The following MRPL22 variants were observed in gnomAD, a reference collection of about 807,000 sequenced individuals.
MRPL22 encodes mitochondrial ribosomal protein L22.
MRPL22 carries 27 observed loss-of-function variants against 32.4 expected under a neutral mutation model. That is an observed-to-expected ratio of 0.83 (90% confidence interval 0.61 to 1.15). MRPL22 has a LOEUF of 1.15. Ranked by LOEUF, MRPL22 falls within the 50% of genes most tolerant of loss-of-function variation. The probability of loss-of-function intolerance (pLI) is 0.00; values close to 1 mark genes in which losing one functional copy is unlikely to be tolerated. For synonymous variants in MRPL22, 86 were observed against 87.3 expected (o/e 0.99, Z 0.08); for missense variants, 239 against 260.2 (o/e 0.92, Z 0.56).
chr5:154,960,773 A>G (rs1022706069), intron 6 of MRPL22, among the ~76,000 whole-genome samples: 2 of 152,198 alleles, frequency 1.3e-5, no homozygotes, highest in Admixed American at 1.3e-4. Flanking sequence ...CCTCCTCCCA[A>G]CACCATGGGA....
At chr5:154,950,781 CTAAG>C (rs1764549545) in intron 2 of MRPL22, 36 bp from the exon 3 acceptor site, 2 of 1,338,898 alleles carry the variant, frequency 1.5e-6, no homozygotes, top group African/African-American at 1.4e-5. Flanking sequence ...GAAAGGTCCC[CTAAG>C]TGTCTGTTGT....
At chr5:154,941,798 C>T (rs941907589) in intron 2 of MRPL22, among the ~76,000 whole-genome samples, 2 of 152,140 alleles carry the variant, frequency 1.3e-5, no homozygotes, top group African/African-American at 4.8e-5. Context: ...AAGCTTTATA[C>T]CAGAGCATTC....
At chr5:154,951,049 A>G (rs1464388998) in intron 3 of MRPL22, 111 bp downstream of exon 3, 1 of 703,130 alleles carries the variant, frequency 1.4e-6, no homozygotes, top group Non-Finnish European at 2.4e-6. Flanking sequence ...CATTCACTCT[A>G]ATTGACAGAG....
intron 2 of MRPL22, among the ~76,000 whole-genome samples, chr5:154,945,656 AAAC>A (rs1764479478): frequency 6.6e-6 from 1 of 152,208 alleles, no homozygotes; most frequent in Non-Finnish European, 1.5e-5. Context: ...GGAGACAAGG[AAAC>A]AACAAAGGAG....
At chr5:154,957,962 G>T (rs1469097800) in intron 5 of MRPL22, among the ~76,000 whole-genome samples, 1 of 147,262 alleles carries the variant, frequency 6.8e-6, no homozygotes, top group Non-Finnish European at 1.5e-5. Context: ...TGTTGCACAG[G>T]CTGGGGTGCA....
chr5:154,966,796 GA>G lies in MRPL22; in HGVS notation c.522del (p.Pro177HisfsTer53). 1 of 1,614,188 alleles carries G rather than the reference GA, an allele frequency of 6.2e-7. No individual in the cohort carries two copies. Among genetic ancestry groups the G allele is most frequent in the Non-Finnish European group, 8.5e-7 (1 of 1,180,028 alleles). On this transcript the variant is annotated frameshift_variant, in exon 7 of 7. Coordinates refer to ENST00000523037, the MANE Select transcript of MRPL22 (RefSeq NM_014180.4). LOFTEE classifies it high-confidence loss of function. ...VYCHYFVKLV[E>X]GPPPPPEPPK... Reference sequence around the variant, plus strand: ...TTGCCATTATTTTGTGAAGTTGGTGGAAGGGCCCCCACCTCCACCTGAGCCA... The same window carrying G: ...TTGCCATTATTTTGTGAAGTTGGTGGAGGGCCCCCACCTCCACCTGAGCCA...
intron 3 of MRPL22, chr5:154,956,035 C>A (rs1487650464): frequency 3.8e-5 from 8 of 209,956 alleles, no homozygotes; most frequent in Non-Finnish European, 6.5e-5. Flanking sequence ...TGTACTTTTT[C>A]TTTTGTTCTT....
chr5:154,951,209 T>A (rs1204973882), intron 3 of MRPL22, among the ~76,000 whole-genome samples: 3 of 152,250 alleles, frequency 2.0e-5, no homozygotes, highest in Non-Finnish European at 4.4e-5. Context: ...AGAGGCTTGC[T>A]GATGAGCTCT....
intron 3 of MRPL22, among the ~76,000 whole-genome samples, chr5:154,953,049 A>T (rs1304555747): frequency 6.6e-6 from 1 of 152,200 alleles, no homozygotes; most frequent in Non-Finnish European, 1.5e-5. Flanking sequence ...ATTTTATCTT[A>T]TATGGGGCTT....
chr5:154,951,877 C>T (rs1452619962), intron 3 of MRPL22, among the ~76,000 whole-genome samples: 1 of 149,844 alleles, frequency 6.7e-6, no homozygotes, highest in East Asian at 2.0e-4. Context: ...TCTTTGAAAT[C>T]ACGTATTTTT....
intron 2 of MRPL22, among the ~76,000 whole-genome samples, chr5:154,942,930 T>C (rs1484159905): frequency 6.6e-6 from 1 of 152,238 alleles, no homozygotes; most frequent in African/African-American, 2.4e-5. Context: ...TCTTTTCCTC[T>C]ATGTCATGAT....
At chr5:154,947,309 C>T (rs1188347059) in intron 2 of MRPL22, among the ~76,000 whole-genome samples, 7 of 152,268 alleles carry the variant, frequency 4.6e-5, no homozygotes, top group East Asian at 3.9e-4. Flanking sequence ...TGTCACCACT[C>T]GGCTTATTTT....
At chr5:154,951,814 A>G (rs1488953722) in intron 3 of MRPL22, among the ~76,000 whole-genome samples, 1 of 152,022 alleles carries the variant, frequency 6.6e-6, no homozygotes, top group African/African-American at 2.4e-5. Flanking sequence ...CACAAATATC[A>G]TAAATAAAAA....
At chr5:154,945,426 A>T (rs1468824472) in intron 2 of MRPL22, among the ~76,000 whole-genome samples, 2 of 152,214 alleles carry the variant, frequency 1.3e-5, no homozygotes, top group Non-Finnish European at 2.9e-5. Flanking sequence ...TGGGTTTGTT[A>T]AATCTGAGCT....
intron 5 of MRPL22, among the ~76,000 whole-genome samples, chr5:154,957,914 CTTTTTTT>C (rs912216773): frequency 1.3e-4 from 16 of 120,872 alleles, no homozygotes; most frequent in Non-Finnish European, 1.9e-4. Context: ...ATATATTTTT[CTTTTTTT>C]TTTTTTTTTT....
At chr5:154,947,081 GTAA>G (rs781509032) in intron 2 of MRPL22, among the ~76,000 whole-genome samples, 53 of 152,316 alleles carry the variant, frequency 3.5e-4, no homozygotes, top group African/African-American at 1.2e-3. Context: ...CATTCTACAA[GTAA>G]TAATATCTAA....
At position 154,957,122 on chromosome 5, in the gene MRPL22, C is replaced by T; in HGVS notation, c.262-13C>T. On this transcript the variant is annotated splice_polypyrimidine_tract_variant and intron_variant, in intron 4 of 6. Transcript: ENST00000523037. Reference sequence around the variant, plus strand: ...TAATTTATTTTCTTTTGTCTCTCACCCTTTAATTCTAGATACGAGGAATGT... The same window carrying T: ...TAATTTATTTTCTTTTGTCTCTCACTCTTTAATTCTAGATACGAGGAATGT... 1.2e-6 allele frequency: 2 copies of T among 1,602,710 alleles called. No individual in the cohort carries two copies. The highest frequency in any genetic ancestry group is 1.7e-6 in the Non-Finnish European group (2 of 1,171,492).
At chr5:154,946,122 T>G (rs1764487088) in intron 2 of MRPL22, among the ~76,000 whole-genome samples, 1 of 152,180 alleles carries the variant, frequency 6.6e-6, no homozygotes, top group Non-Finnish European at 1.5e-5. Context: ...ATTGAAGATT[T>G]GAAGAGCGCA....
Position 154,966,692 on chromosome 5 carries a change from C to CCA in MRPL22, c.418_419dup (p.Ser141ProfsTer8), listed in dbSNP as rs1561743863. 2 of 1,613,740 alleles carry CCA rather than the reference C, an allele frequency of 1.2e-6. No homozygotes were observed. The highest frequency in any genetic ancestry group is 2.2e-5 in the South Asian group (2 of 91,060). On this transcript the variant is annotated frameshift_variant, in exon 7 of 7. Transcript: ENST00000523037. LOFTEE classifies it high-confidence loss of function. ...TCTTTTTCTTCCTGTTTAGCTGAGT[C>CCA]CACCTCAGGACGAGGCCAGTGCCTG...
Sources: gnomAD v4.1 joint callset for allele counts (sites outside exome capture counted in the v4.1 genomes callset) on GRCh38, gnomAD v4.1.1 for gene constraint, MANE v1.5 for transcripts, NCBI Gene and HGNC (gene_info 2026-07-23, HGNC 2026-07-21) for gene names.